Variants in ERAP2 observed in about 807,000 individuals in gnomAD.
The protein encoded by ERAP2 is endoplasmic reticulum aminopeptidase 2.
ERAP2 carries 118 observed loss-of-function variants against 111.1 expected under a neutral mutation model. That is an observed-to-expected ratio of 1.06 (90% CI 0.92 to 1.24). ERAP2 has a LOEUF of 1.24. Ranked by LOEUF, ERAP2 falls within the 50% of genes most tolerant of loss-of-function variation. The pLI, the probability that ERAP2 is intolerant of heterozygous loss-of-function variation, is 0.00. For synonymous variants in ERAP2, 410 were observed against 401.2 expected (o/e 1.02, Z -0.26); for missense variants, 1,131 against 1,125.8 (o/e 1.00, Z -0.07).
At chr5:96,893,900 T>G (rs1449975571) in intron 6 of ERAP2, among the ~76,000 whole-genome samples, 1 of 152,202 alleles carries the variant, frequency 6.6e-6, no homozygotes, top group Non-Finnish European at 1.5e-5. Context: ...TTTCTGAACA[T>G]GCCAGGTTGT....
chr5:96,915,581 A>C (rs1344917118), intron 17 of ERAP2, 107 bp from the exon 18 acceptor site: 8 of 521,362 alleles, frequency 1.5e-5, no homozygotes, highest in Non-Finnish European at 2.2e-5. Flanking sequence ...TGTAATACAC[A>C]AGCTTATCAC....
chr5:96,915,912 G>GGAA, intron 18 of ERAP2, 143 bp downstream of exon 18: 3 of 595,888 alleles, frequency 5.0e-6, no homozygotes, highest in Admixed American at 6.7e-5. Context: ...GCAAGTAAAT[G>GGAA]GAAGGGACAG....
chr5:96,905,706 A>T (rs1381862956), intron 13 of ERAP2, among the ~76,000 whole-genome samples: 1 of 152,132 alleles, frequency 6.6e-6, no homozygotes, highest in Non-Finnish European at 1.5e-5. Flanking sequence ...CAACATAGTG[A>T]AACCCCATCT....
intron 17 of ERAP2, among the ~76,000 whole-genome samples, chr5:96,914,148 T>TCTCTCACA (rs34158080): frequency 7.4e-5 from 11 of 148,082 alleles, no homozygotes; most frequent in African/African-American, 2.5e-4. Context: ...TCTCTCTCTC[T>TCTCTCACA]CACACACACA....
chr5:96,881,330 A>G, intron 2 of ERAP2: 1 of 441,950 alleles, frequency 2.3e-6, no homozygotes, highest in South Asian at 1.6e-5. Flanking sequence ...GTGCTTATGG[A>G]GTGAAACAAT....
chr5:96,914,031 T>A (rs1289928754), intron 17 of ERAP2, among the ~76,000 whole-genome samples: 1 of 152,150 alleles, frequency 6.6e-6, no homozygotes, highest in Non-Finnish European at 1.5e-5. Context: ...GAACTGGAGC[T>A]CATTTCAATA....
Position 96,879,720 on chromosome 5 carries a change from GA to G in ERAP2, c.39del (p.Lys13AsnfsTer13), listed in dbSNP as rs1219804787. The G allele has an allele frequency of 6.2e-7, 1 of 1,614,084 alleles. No homozygotes were observed. On this transcript the variant is annotated frameshift_variant, in exon 2 of 19. Transcript: ENST00000437043. LOFTEE classifies it high-confidence loss of function. ...TCTTCTGCAATGGTTAATTCACACA[GA>G]AAACCAATGTTTAACATTCACAGAG... Reference protein sequence around the residue: ...FHSSAMVNSHRKPMFNIHRGF... With the variant: ...FHSSAMVNSHXKPMFNIHRGF...
Position 96,883,005 on chromosome 5 carries a change from G to A in ERAP2, c.576-787G>A, listed in dbSNP as rs539442323. 1.7e-4 allele frequency among the ~76,000 whole-genome samples: 26 copies of A among 152,178 alleles called. No individual in the cohort carries two copies. In the South Asian group the frequency reaches 5.2e-3, roughly 30 times the overall value. Reference sequence around the variant, plus strand: ...AGTTTCAGGCATATCCTGGTGTTGGGGTAGAGAAGTTTATCAGAGTATATA... The same window carrying A: ...AGTTTCAGGCATATCCTGGTGTTGGAGTAGAGAAGTTTATCAGAGTATATA... On this transcript the variant is annotated intron_variant, in intron 2 of 18. Transcript: ENST00000437043.
chr5:96,885,296 A>G (rs1428922163), intron 3 of ERAP2, among the ~76,000 whole-genome samples: 1 of 152,162 alleles, frequency 6.6e-6, no homozygotes, highest in African/African-American at 2.4e-5. Context: ...AGCCCCTACC[A>G]TAAGACAGCA....
intron 9 of ERAP2, 123 bp downstream of exon 9, chr5:96,896,986 T>C: frequency 2.8e-6 from 1 of 363,504 alleles, no homozygotes; most frequent in Non-Finnish European, 3.8e-6. Flanking sequence ...TGCTATGTTG[T>C]CATGGTCTAT....
At chr5:96,889,096 G>A in intron 4 of ERAP2, 89 bp from the exon 5 acceptor site, 1 of 1,474,508 alleles carries the variant, frequency 6.8e-7, no homozygotes, top group Non-Finnish European at 9.3e-7. Context: ...AAAAGATACA[G>A]TCTGCCTTTC....
At chr5:96,913,796 T>C (rs1005829291) in intron 17 of ERAP2, among the ~76,000 whole-genome samples, 2 of 152,182 alleles carry the variant, frequency 1.3e-5, no homozygotes, top group Non-Finnish European at 1.5e-5. Context: ...AGATGCCTTG[T>C]ATAGTGCATC....
At chr5:96,884,619 G>A (rs1371038149) in intron 3 of ERAP2, among the ~76,000 whole-genome samples, 5 of 152,120 alleles carry the variant, frequency 3.3e-5, no homozygotes, top group African/African-American at 4.8e-5. Context: ...GTGCAATGGC[G>A]TGATCTCGGT....
Position 96,892,393 on chromosome 5 carries a change from C to T in ERAP2, c.1065C>T (p.Thr355=), listed in dbSNP as rs370129609. The stretch of plus-strand genomic sequence containing the variant: ...CGTCACTGCTTTTTGACCCCAAGAC[C>T]TCTTCTGCTTCCGATAAACTGTGGG... ...RETSLLFDPK[T]SSASDKLWVT... is the part of the protein sequence containing the mutation. Residue 355 remains threonine (T), a synonymous_variant, in exon 6 of 19, where the codon ACC becomes ACT. Coordinates refer to ENST00000437043, the MANE Select transcript of ERAP2 (RefSeq NM_022350.5). The T allele has an allele frequency of 5.0e-6, 8 of 1,614,050 alleles. No individual in the cohort carries two copies. Among genetic ancestry groups the T allele is most frequent in the Non-Finnish European group, 6.8e-6 (8 of 1,179,940 alleles).
chr5:96,919,395 A>C lies in ERAP2; in HGVS notation c.*1790A>C, dbSNP rs7710285. 20 of 152,336 alleles carry C rather than the reference A, an allele frequency of 1.3e-4. No individual in the cohort carries two copies. Among genetic ancestry groups the C allele is most frequent in the African/African-American group, 4.8e-4 (20 of 41,456 alleles). 9.4% of individuals were successfully genotyped at this position (152,336 alleles called of 1,614,324 possible). ...CACCTAAGAGATATCCTTTAGAATT[A>C]CATGTATTTTAGCATAAGGAAATTG... On this transcript the variant is annotated 3_prime_UTR_variant, in exon 19 of 19. Coordinates refer to ENST00000437043, the MANE Select transcript of ERAP2 (RefSeq NM_022350.5).
chr5:96,889,835 C>T (rs1382202984), intron 5 of ERAP2, among the ~76,000 whole-genome samples: 2 of 37,686 alleles, frequency 5.3e-5, no homozygotes, highest in South Asian at 8.8e-4. Flanking sequence ...AATACATACA[C>T]ACACACACAC....
At chr5:96,889,762 C>T (rs1261865708) in intron 5 of ERAP2, among the ~76,000 whole-genome samples, 1 of 152,012 alleles carries the variant, frequency 6.6e-6, no homozygotes, top group African/African-American at 2.4e-5. Context: ...GGAAACACAC[C>T]TCCCATCGTG....
intron 7 of ERAP2, 27 bp downstream of exon 7, chr5:96,895,386 C>T (rs1375016153): frequency 7.3e-7 from 1 of 1,378,320 alleles, no homozygotes. Context: ...GTGTATCATA[C>T]TATATGGTGT....
chr5:96,905,281 A>C (rs1187112424), intron 13 of ERAP2, among the ~76,000 whole-genome samples: 2 of 152,238 alleles, frequency 1.3e-5, no homozygotes, highest in Non-Finnish European at 2.9e-5. Context: ...TTGCAACTAC[A>C]AATGAAAAAA....
Sources: allele counts gnomAD v4.1 joint callset (sites outside exome capture counted in the v4.1 genomes callset), GRCh38; gene constraint gnomAD v4.1.1; transcripts MANE v1.5; gene names NCBI Gene and HGNC (gene_info 2026-07-23, HGNC 2026-07-21).